Variants in CACNA1F observed in about 807,000 individuals in gnomAD.
CACNA1F encodes calcium voltage-gated channel subunit alpha1 F, also known as voltage-dependent L-type calcium channel subunit alpha-1F.
A neutral mutation model predicts 143.8 loss-of-function variants in CACNA1F; 59 were observed. That is an observed-to-expected ratio of 0.41 (90% confidence interval 0.33 to 0.51). The LOEUF (loss-of-function observed/expected upper bound fraction) is 0.51, where lower values mean the gene tolerates loss of function less well. Among genes scored for constraint, CACNA1F ranks in the 20% least tolerant of loss-of-function variants. The probability of loss-of-function intolerance (pLI) is 0.22; values close to 1 mark genes in which losing one functional copy is unlikely to be tolerated. For missense variants in CACNA1F, 1,411 were observed against 1,647.5 expected (o/e 0.86, Z 2.48); for synonymous variants, 643 against 649.1 (o/e 0.99, Z 0.14).
At chrX:49,213,313 T>C (rs1286254518) in intron 31 of CACNA1F, among the ~76,000 whole-genome samples, 8 of 110,908 alleles carry the variant, frequency 7.2e-5, no homozygotes, top group Admixed American at 9.6e-5. Flanking sequence ...AAGCCAGTGA[T>C]GGAGATAGGG....
Position 49,205,789 on chromosome X carries a change from G to A in CACNA1F, c.5497C>T (p.Arg1833Trp), listed in dbSNP as rs1557104752. The A allele has an allele frequency of 8.3e-7, 1 of 1,202,351 alleles. No individual in the cohort carries two copies. Among genetic ancestry groups the A allele is most frequent in the South Asian group, 1.8e-5 (1 of 55,269 alleles). The change falls in exon 47 of 48, where the codon CGG becomes TGG. Residue 1833 changes from arginine to tryptophan, a missense_variant. Physicochemically the swap from Arg to Trp is moderately radical, Grantham distance 101 (BLOSUM62 -3). Transcript: ENST00000323022. ...AQGSWATPPQRGRLLYAPLLL... is the reference protein window; with the variant it reads ...AQGSWATPPQWGRLLYAPLLL... ...AGCGGGGCATACAGGAGCCGACCCC[G>A]CTGAGGTGGTGTTGCCCAGGAACCC...
chrX:49,210,787 G>C, intron 37 of CACNA1F, 101 bp from the exon 38 acceptor site: 1 of 879,895 alleles, frequency 1.1e-6, no homozygotes, highest in East Asian at 3.4e-5. Flanking sequence ...CAATACCCCA[G>C]AGCTTGCCAG....
Position 49,231,906 on chromosome X carries a change from G to A in CACNA1F, c.47C>T (p.Pro16Leu). The A allele has an allele frequency of 8.5e-7, 1 of 1,178,802 alleles. No individual in the cohort carries two copies. Among genetic ancestry groups the A allele is most frequent in the East Asian group, 3.1e-5 (1 of 32,126 alleles). ...GGKDTTPEPS[P>L]ANGAGPGPEW... ...GGGACCAGGGCCTGCCCCATTGGCT[G>A]GACTGGGCTCTGGGGTGGTGTCTAT... Residue 16 changes from proline (P) to leucine (L), a missense_variant, in exon 2 of 48, where the codon CCA becomes CTA. Pro to Leu is a moderately conservative substitution (Grantham distance 98). This residue lies in a region of CACNA1F where 950 missense variants were observed against 1,128.1 expected (regional missense o/e 0.84). Coordinates refer to ENST00000323022, the MANE Select transcript of CACNA1F (RefSeq NM_001256789.3).
At position 49,231,042 on chromosome X, in the gene CACNA1F, G is replaced by A. The variant is rs1444940991; in HGVS notation, c.382-53C>T. Reference sequence around the variant, plus strand: ...GGAAGTCGAGGAGTTATTTGAAGGCGAGGTTTGACGGGGGCGTGGGGAGCA... The same window carrying A: ...GGAAGTCGAGGAGTTATTTGAAGGCAAGGTTTGACGGGGGCGTGGGGAGCA... On this transcript the variant is annotated intron_variant, in intron 3 of 47. Coordinates refer to ENST00000323022, the MANE Select transcript of CACNA1F (RefSeq NM_001256789.3). 2.5e-5 allele frequency: 25 copies of A among 1,003,049 alleles called. No homozygotes were observed. In the African/African-American group the frequency reaches 4.6e-4, roughly 18 times the overall value. 82.7% of individuals were successfully genotyped at this position (1,003,049 alleles called of 1,213,427 possible).
intron 43 of CACNA1F, 144 bp from the exon 44 acceptor site, chrX:49,207,256 A>G (rs2065607699): frequency 2.1e-6 from 1 of 466,931 alleles, no homozygotes; most frequent in African/African-American, 2.4e-5. Flanking sequence ...CATAAAATTA[A>G]CCATTAACCA....
chrX:49,227,212 T>A, intron 8 of CACNA1F, 85 bp from the exon 9 acceptor site: 1 of 765,745 alleles, frequency 1.3e-6, no homozygotes, highest in Non-Finnish European at 2.0e-6. Context: ...GCCTCCTAGC[T>A]ACTCTTTGAA....
At chrX:49,207,808 A>G (rs782529018) in intron 43 of CACNA1F, among the ~76,000 whole-genome samples, 3 of 110,411 alleles carry the variant, frequency 2.7e-5, no homozygotes, top group South Asian at 7.7e-4. Context: ...AGTGTTTGAC[A>G]TGCATTACCT....
chrX:49,209,312 C>T lies in CACNA1F; in HGVS notation c.4903G>A (p.Gly1635Arg). 3 of 1,200,334 alleles carry T rather than the reference C, an allele frequency of 2.5e-6. No homozygotes were observed. The highest frequency in any genetic ancestry group is 3.4e-6 in the Non-Finnish European group (3 of 886,176). Residue 1635 changes from glycine to arginine, a missense_variant, in exon 42 of 48, where the codon GGG becomes AGG. This residue lies in a region of CACNA1F where 349 missense variants were observed against 350.2 expected (regional missense o/e 1.00). Transcript: ENST00000323022. ...TCTTCCTCCTCCACTCCCTCCTGCCCCTCTTCTTCCTCCTCCTCTGTGTCA... is the reference window on the plus strand; with the variant it reads ...TCTTCCTCCTCCACTCCCTCCTGCCTCTCTTCTTCCTCCTCCTCTGTGTCA... ...TCDTEEEEEE[G>R]QEGVEEEDEK...
At position 49,211,062 on chromosome X, in the gene CACNA1F, C is replaced by T; in HGVS notation, c.4291G>A (p.Asp1431Asn). ...TCTCTGGTGAGATAATCAAAGTTGT[C>T]CATGATCACAGCCACAAAGAGATTT... The part of the protein sequence containing the change: ...IINLFVAVIM[D>N]NFDYLTRDWS... Residue 1431 changes from aspartate to asparagine, a missense_variant, in exon 37 of 48, where the codon GAC becomes AAC. By Grantham distance (23) the Asp-to-Asn change is conservative. Transcript: ENST00000323022. 1 of 1,209,492 alleles carries T rather than the reference C, an allele frequency of 8.3e-7. No homozygotes were observed. The highest frequency in any genetic ancestry group is 1.1e-6 in the Non-Finnish European group (1 of 893,875).
intron 17 of CACNA1F, 53 bp downstream of exon 17, chrX:49,222,469 C>T: frequency 9.5e-7 from 1 of 1,056,321 alleles, no homozygotes; most frequent in Non-Finnish European, 1.3e-6. Context: ...CTGAGGGGTT[C>T]CCAGTCAGGG....
chrX:49,215,743 C>T (rs1047535748), intron 27 of CACNA1F, among the ~76,000 whole-genome samples, 200 bp from the exon 28 acceptor site: 2 of 109,473 alleles, frequency 1.8e-5, no homozygotes, highest in Non-Finnish European at 3.8e-5. Context: ...TCAAAGAGTC[C>T]AAATCCTCTG....
rs1557106212 is a variant in CACNA1F, at chrX:49,211,351, T to G, written c.4231A>C (p.Ile1411Leu). Residue 1411 changes from isoleucine (I) to leucine (L), a missense_variant, in exon 36 of 48, where the codon ATC becomes CTC. Physicochemically the swap from Ile to Leu is conservative, Grantham distance 5. Around this residue, in one of 3 missense-constraint regions of CACNA1F, gnomAD observed 112 missense variants for 169.2 expected, o/e 0.66. Transcript: ENST00000323022. Reference sequence around the variant, plus strand: ...AAGGCACAGAGCATGAAGAAGCTGATGAAATAGGCGATGGCAAAATTGCTA... The same window carrying G: ...AAGGCACAGAGCATGAAGAAGCTGAGGAAATAGGCGATGGCAAAATTGCTA... ...CGSNFAIAYF[I>L]SFFMLCAFLI... The G allele has an allele frequency of 1.7e-6, 2 of 1,211,178 alleles. No individual in the cohort carries two copies. Among genetic ancestry groups the G allele is most frequent in the South Asian group, 3.5e-5 (2 of 56,947 alleles).
chrX:49,230,689 A>G, intron 4 of CACNA1F, 80 bp from the exon 5 acceptor site: 1 of 1,099,105 alleles, frequency 9.1e-7, no homozygotes, highest in Non-Finnish European at 1.2e-6. Context: ...TCAGAAAAGC[A>G]CAAGTCCCTG....
intron 6 of CACNA1F, 142 bp downstream of exon 6, chrX:49,230,078 G>A (rs1269986754): frequency 5.5e-5 from 27 of 493,974 alleles, no homozygotes; most frequent in Middle Eastern, 5.5e-4. Context: ...TGAATATATG[G>A]GTGGGACTTG....
rs146516514 is a variant in CACNA1F at position 49,219,750 on chromosome X, C to T, written c.2427G>A (p.Glu809=). 37 of 1,122,625 alleles carry T rather than the reference C, an allele frequency of 3.3e-5. No homozygotes were observed. In the African/African-American group the frequency reaches 4.2e-4, roughly 13 times the overall value. The allele number at this position is 1,122,625 out of a possible 1,213,427, so 92.5% of individuals were successfully genotyped here. The change falls in exon 20 of 48, where the codon GAG becomes GAA. Residue 809 remains glutamate (E), a synonymous_variant. Coordinates refer to ENST00000323022, the MANE Select transcript of CACNA1F (RefSeq NM_001256789.3). ...EEEEEEEEEE[E]EEEEEGAGGV... is the part of the protein sequence containing the mutation. ...CCCCTGCACCCTCTTCCTCTTCTTC[C>T]TCTTCTTCCTCTTCTTCCTCCTCCT...
chrX:49,211,863 G>C, intron 35 of CACNA1F, 35 bp downstream of exon 35: 2 of 1,137,494 alleles, frequency 1.8e-6, no homozygotes, highest in Non-Finnish European at 2.4e-6. Context: ...GGGCACCCAC[G>C]GGCATAAGGT....
intron 1 of CACNA1F, 22 bp from the exon 2 acceptor site, chrX:49,231,949 G>T: frequency 8.6e-7 from 1 of 1,160,440 alleles, no homozygotes. Flanking sequence ...AACTGTGTCA[G>T]GGAGGGACAG....
chrX:49,218,861 G>A, intron 22 of CACNA1F, 21 bp downstream of exon 22: 1 of 1,180,482 alleles, frequency 8.5e-7, no homozygotes, highest in Non-Finnish European at 1.2e-6. Context: ...CTGAGGGTAG[G>A]ACTGGGGTCC....
intron 35 of CACNA1F, 26 bp downstream of exon 35, chrX:49,211,872 G>A (rs782604456): frequency 1.7e-6 from 2 of 1,171,035 alleles, no homozygotes; most frequent in South Asian, 1.8e-5. Context: ...CGGGCATAAG[G>A]TGGCAGGGGA....
Sources: gnomAD v4.1 joint callset for allele counts (sites outside exome capture counted in the v4.1 genomes callset) on GRCh38, gnomAD v4.1.1 for gene constraint, gnomAD v4.1.1 regional missense constraint, MANE v1.5 for transcripts, NCBI Gene and HGNC (gene_info 2026-07-23, HGNC 2026-07-21) for gene names.